The following SCML4 variants were observed in gnomAD, a reference collection of about 807,000 sequenced individuals.
The protein encoded by SCML4 is sex comb on midleg-like protein 4.
In SCML4, 34 loss-of-function variants were observed where a neutral mutation model predicts 41.1. The ratio of observed to expected loss-of-function variants is 0.83; its 90% confidence interval spans 0.63 to 1.10. SCML4 has a LOEUF of 1.10. Ranked by LOEUF, SCML4 falls within the 50% of genes least tolerant of loss-of-function variation. The pLI, the probability that SCML4 is intolerant of heterozygous loss-of-function variation, is 0.00. For missense variants in SCML4, 522 were observed against 534.1 expected (o/e 0.98, Z 0.22); for synonymous variants, 214 against 220.9 (o/e 0.97, Z 0.28).
Position 107,720,890 on chromosome 6 carries a change from G to T in SCML4, c.786C>A (p.His262Gln). 6.2e-7 allele frequency: 1 copy of T among 1,614,184 alleles called. No individual in the cohort carries two copies. The highest frequency in any genetic ancestry group is 8.5e-7 in the Non-Finnish European group (1 of 1,180,022). Residue 262 changes from histidine to glutamine, a missense_variant, in exon 6 of 8, where the codon CAC becomes CAA. Physicochemically the swap from His to Gln is conservative, Grantham distance 24. Coordinates refer to ENST00000369020, the MANE Select transcript of SCML4 (RefSeq NM_198081.5). ...ASTFNHRGSL[H>Q]PSSSLYCKRQ... Reference sequence around the variant, plus strand: ...TCTTGCAGTACAGCGAGGAGGAGGGGTGCAAGGAGCCCCTGTGGTTAAAGG... The same window carrying T: ...TCTTGCAGTACAGCGAGGAGGAGGGTTGCAAGGAGCCCCTGTGGTTAAAGG...
At position 107,710,285 on chromosome 6, in the gene SCML4, A is replaced by G. The variant is rs1211740309; in HGVS notation, c.974-2274T>C. ...ATTCCCAGCCACAACTAGGTCCAAGATTCAGAATCAAGAAACGAAGTCAAT... is the reference window on the plus strand; with the variant it reads ...ATTCCCAGCCACAACTAGGTCCAAGGTTCAGAATCAAGAAACGAAGTCAAT... On this transcript the variant is annotated intron_variant, in intron 6 of 7. Coordinates refer to ENST00000369020, the MANE Select transcript of SCML4 (RefSeq NM_198081.5). 8.9e-5 allele frequency among the ~76,000 whole-genome samples: 5 copies of G among 56,020 alleles called. 2 individuals carry two copies. The East Asian group carries it at 2.2e-3, about 24-fold the overall frequency. The allele number at this position is 56,020 out of a possible 152,430, so 36.8% of individuals were successfully genotyped here.
intron 1 of SCML4, among the ~76,000 whole-genome samples, chr6:107,822,440 T>TA (rs1785008562): frequency 6.6e-6 from 1 of 152,108 alleles, no homozygotes; most frequent in Non-Finnish European, 1.5e-5. Context: ...AAAAGCAACT[T>TA]ACTCGTTTCG....
At chr6:107,815,039 A>G (rs928920491) in intron 1 of SCML4, among the ~76,000 whole-genome samples, 4 of 152,204 alleles carry the variant, frequency 2.6e-5, no homozygotes, top group Non-Finnish European at 4.4e-5. Context: ...GATCTTTGAG[A>G]GGGCTCTGCA....
intron 1 of SCML4, among the ~76,000 whole-genome samples, chr6:107,804,654 G>C (rs548592137): frequency 1.3e-5 from 2 of 152,250 alleles, no homozygotes; most frequent in East Asian, 3.9e-4. Context: ...ATATTATCCA[G>C]TTGTCCCTTT....
intron 5 of SCML4, among the ~76,000 whole-genome samples, chr6:107,733,681 G>T (rs763958536): frequency 2.0e-5 from 3 of 152,198 alleles, no homozygotes; most frequent in Admixed American, 6.5e-5. Flanking sequence ...AACCTGTGCA[G>T]GTCCTGGAGG....
chr6:107,788,011 G>A (rs896484201), intron 1 of SCML4, among the ~76,000 whole-genome samples: 2 of 152,164 alleles, frequency 1.3e-5, no homozygotes, highest in South Asian at 4.1e-4. Flanking sequence ...CGGACCCAGG[G>A]AACAATCAGC....
At chr6:107,723,675 G>T (rs891812533) in intron 5 of SCML4, among the ~76,000 whole-genome samples, 2 of 152,102 alleles carry the variant, frequency 1.3e-5, no homozygotes, top group African/African-American at 4.8e-5. Flanking sequence ...TACCCACAAA[G>T]AAAGCCCAAG....
intron 4 of SCML4, 75 bp from the exon 5 acceptor site, chr6:107,745,218 T>C: frequency 1.7e-6 from 2 of 1,151,672 alleles, no homozygotes; most frequent in Non-Finnish European, 2.4e-6. Flanking sequence ...GTGGTGAGGA[T>C]TTTTCGTTTG....
intron 5 of SCML4, among the ~76,000 whole-genome samples, chr6:107,742,618 T>C (rs1396407842): frequency 1.3e-5 from 2 of 152,082 alleles, no homozygotes; most frequent in African/African-American, 2.4e-5. Flanking sequence ...GGAAACCATA[T>C]AGGCCAGGAG....
intron 5 of SCML4, among the ~76,000 whole-genome samples, chr6:107,743,605 A>T (rs1266806490): frequency 1.3e-5 from 2 of 152,244 alleles, no homozygotes; most frequent in African/African-American, 4.8e-5. Flanking sequence ...CCAACCTGTC[A>T]TTTACCCATA....
chr6:107,729,019 G>A (rs1776273395), intron 5 of SCML4, among the ~76,000 whole-genome samples: 1 of 152,196 alleles, frequency 6.6e-6, no homozygotes, highest in Non-Finnish European at 1.5e-5. Context: ...CAGATGCATG[G>A]ATGGCCCTCA....
chr6:107,808,840 TA>T (rs1783943021), intron 1 of SCML4, among the ~76,000 whole-genome samples: 1 of 152,222 alleles, frequency 6.6e-6, no homozygotes, highest in Non-Finnish European at 1.5e-5. Flanking sequence ...TAAGTAATTA[TA>T]AATAACATAT....
At chr6:107,814,118 T>C (rs950006039) in intron 1 of SCML4, among the ~76,000 whole-genome samples, 18 of 152,328 alleles carry the variant, frequency 1.2e-4, no homozygotes, top group Middle Eastern at 3.4e-3. Context: ...CACATGCCAG[T>C]CAAGGAGAGG....
chr6:107,827,779 G>A (rs779381269), upstream of SCML4, among the ~76,000 whole-genome samples: 16 of 152,310 alleles, frequency 1.1e-4, no homozygotes, highest in South Asian at 2.3e-3. Flanking sequence ...CAACCAGAGG[G>A]AGCAAGTTAA....
intron 2 of SCML4, among the ~76,000 whole-genome samples, chr6:107,766,430 C>CA (rs902923924): frequency 1.7e-4 from 25 of 150,970 alleles, no homozygotes; most frequent in African/African-American, 6.1e-4. Context: ...CCTGAATAAC[C>CA]ACTGCACTCC....
intron 1 of SCML4, among the ~76,000 whole-genome samples, chr6:107,812,132 CG>C: frequency 6.6e-6 from 1 of 152,192 alleles, no homozygotes; most frequent in East Asian, 1.9e-4. Context: ...GGTGGATTGC[CG>C]GGAAACTCCC....
chr6:107,721,810 G>A (rs1032006391), intron 5 of SCML4, among the ~76,000 whole-genome samples: 2 of 152,038 alleles, frequency 1.3e-5, no homozygotes, highest in Non-Finnish European at 2.9e-5. Context: ...GCCATCCTCC[G>A]CCACGGCTAA....
chr6:107,764,901 T>C (rs1165780925), intron 2 of SCML4, among the ~76,000 whole-genome samples: 1 of 152,222 alleles, frequency 6.6e-6, no homozygotes, highest in Non-Finnish European at 1.5e-5. Flanking sequence ...TTCTCTCTTA[T>C]CTGCCACCAT....
At chr6:107,748,399 G>GT (rs1562214356) in intron 3 of SCML4, among the ~76,000 whole-genome samples, 2 of 151,942 alleles carry the variant, frequency 1.3e-5, no homozygotes, top group East Asian at 1.9e-4. Flanking sequence ...AGGTTTTTTT[G>GT]TTTTTTTGTT....
Sources: gnomAD v4.1 joint callset for allele counts (sites outside exome capture counted in the v4.1 genomes callset) on GRCh38, gnomAD v4.1.1 for gene constraint, MANE v1.5 for transcripts, NCBI Gene and HGNC (gene_info 2026-07-23, HGNC 2026-07-21) for gene names.